Variants in KDM3B observed in about 807,000 individuals in gnomAD.
KDM3B encodes the protein lysine demethylase 3B.
A neutral mutation model predicts 170.0 loss-of-function variants in KDM3B; 10 were observed. The ratio of observed to expected loss-of-function variants is 0.06; its 90% CI spans 0.04 to 0.10. The LOEUF (loss-of-function observed/expected upper bound fraction) is 0.10, where lower values mean the gene tolerates loss of function less well. Ranked by LOEUF, KDM3B falls within the 10% of genes least tolerant of loss-of-function variation. The probability of loss-of-function intolerance (pLI) is 1.00; values close to 1 mark genes in which losing one functional copy is unlikely to be tolerated. For missense variants in KDM3B, 1,394 were observed against 2,195.2 expected (o/e 0.64, Z 7.29); for synonymous variants, 831 against 834.8 (o/e 1.00, Z 0.08).
At chr5:138,393,828 G>A (rs1213897773) in intron 9 of KDM3B, among the ~76,000 whole-genome samples, 1 of 152,050 alleles carries the variant, frequency 6.6e-6, no homozygotes, top group East Asian at 1.9e-4. Flanking sequence ...TGGGAATATC[G>A]TCTGCTTTTA....
In KDM3B at chr5:138,357,578, G is replaced by A. The variant is rs567858103; in HGVS notation, c.192+4591G>A. On this transcript the variant is annotated intron_variant, in intron 1 of 23. Transcript: ENST00000314358. ...AGGTTTTGCCATGTTGCCCAGGCAGGTCTTGAACTCCAGTCAAGCAATCTG... is the reference window on the plus strand; with the variant it reads ...AGGTTTTGCCATGTTGCCCAGGCAGATCTTGAACTCCAGTCAAGCAATCTG... 2.6e-4 allele frequency among the ~76,000 whole-genome samples: 39 copies of A among 152,118 alleles called. No homozygotes were observed. The South Asian group carries it at 7.7e-3, about 30-fold the overall frequency.
chr5:138,361,411 A>T (rs576369546), intron 1 of KDM3B, among the ~76,000 whole-genome samples: 1 of 150,924 alleles, frequency 6.6e-6, no homozygotes, highest in South Asian at 2.1e-4. Flanking sequence ...CTCTAACCAA[A>T]CTCTGGAGAC....
At chr5:138,353,160 C>G (rs1310575719) in intron 1 of KDM3B, among the ~76,000 whole-genome samples, 173 bp downstream of exon 1, 1 of 152,194 alleles carries the variant, frequency 6.6e-6, no homozygotes, top group Admixed American at 6.5e-5. Flanking sequence ...GCCGGCATGG[C>G]TTCCGCGTCG....
At chr5:138,425,346 G>T in intron 16 of KDM3B, 65 bp from the exon 17 acceptor site, 1 of 1,509,028 alleles carries the variant, frequency 6.6e-7, no homozygotes, top group Non-Finnish European at 9.0e-7. Flanking sequence ...CTCCTATTCT[G>T]TCTCAGCCCT....
chr5:138,418,567 GT>G (rs1401840927), intron 13 of KDM3B, among the ~76,000 whole-genome samples: 2 of 152,178 alleles, frequency 1.3e-5, no homozygotes, highest in Non-Finnish European at 2.9e-5. Flanking sequence ...AGAAAAATCA[GT>G]AAGAGTAATA....
rs117150481 is a variant in KDM3B, at chr5:138,368,535, C to T, written c.193-4139C>T. Among the ~76,000 whole-genome samples, 88 of 152,200 alleles carry T rather than the reference C, an allele frequency of 5.8e-4. No individual in the cohort carries two copies. In the East Asian group the frequency reaches 0.016, roughly 28 times the overall value. ...CTGGGATTACAGGTGTGGGCCACAG[C>T]GTCCCACTTGAAATGATTCTTTACT... is the stretch of plus-strand genomic sequence containing the variant. On this transcript the variant is annotated intron_variant, in intron 1 of 23. Transcript: ENST00000314358.
chr5:138,361,647 T>C (rs1372277927), intron 1 of KDM3B, among the ~76,000 whole-genome samples: 1 of 152,244 alleles, frequency 6.6e-6, no homozygotes, highest in Non-Finnish European at 1.5e-5. Context: ...ATTTTCTGGC[T>C]TCCGTTGCTT....
rs1315568369 is a variant in KDM3B, at chr5:138,368,982, ATTTTAG to A, written c.193-3690_193-3685del. The stretch of plus-strand genomic sequence containing the variant: ...CATTACAGCTTTAGCCCAGTGACTT[ATTTTAG>A]TGTTGTTCTTGTATTTGTGTGTTGC... On this transcript the variant is annotated intron_variant, in intron 1 of 23. Coordinates refer to ENST00000314358, the MANE Select transcript of KDM3B (RefSeq NM_016604.4). Among the ~76,000 whole-genome samples, 3 of 152,186 alleles carry A rather than the reference ATTTTAG, an allele frequency of 2.0e-5. No individual in the cohort carries two copies. The East Asian group carries it at 5.8e-4, about 29-fold the overall frequency.
intron 14 of KDM3B, among the ~76,000 whole-genome samples, chr5:138,419,519 G>A (rs1488149986): frequency 1.3e-5 from 2 of 151,304 alleles, no homozygotes; most frequent in African/African-American, 2.4e-5. Context: ...GCTGGGCGAG[G>A]TGGCGGGTGC....
intron 23 of KDM3B, among the ~76,000 whole-genome samples, chr5:138,433,035 C>T (rs917864365): frequency 1.3e-5 from 2 of 151,926 alleles, no homozygotes; most frequent in African/African-American, 4.8e-5. Flanking sequence ...TGAGCCACTG[C>T]GCCCAGCCTG....
chr5:138,353,872 GT>G (rs1490269859), intron 1 of KDM3B, among the ~76,000 whole-genome samples: 1 of 152,124 alleles, frequency 6.6e-6, no homozygotes, highest in East Asian at 1.9e-4. Flanking sequence ...AAAATATAGT[GT>G]TTGAGTTTTG....
intron 14 of KDM3B, 146 bp from the exon 15 acceptor site, chr5:138,420,560 G>A: frequency 2.4e-6 from 2 of 824,118 alleles, no homozygotes; most frequent in Non-Finnish European, 3.9e-6. Context: ...TGTAAGGCTT[G>A]ACCCAAACAA....
chr5:138,362,551 TACACAC>T (rs370412367), intron 1 of KDM3B, among the ~76,000 whole-genome samples: 4 of 124,682 alleles, frequency 3.2e-5, no homozygotes, highest in South Asian at 3.0e-4. Flanking sequence ...TATATGTGTA[TACACAC>T]ACACACACAC....
chr5:138,393,603 C>T (rs2126954010), intron 9 of KDM3B, among the ~76,000 whole-genome samples: 1 of 152,324 alleles, frequency 6.6e-6, no homozygotes, highest in African/African-American at 2.4e-5. Context: ...GTGTTAGCTG[C>T]AGCTCTGTGC....
In KDM3B at chr5:138,393,420, CA is replaced by C. The variant is rs769375432; in HGVS notation, c.2831+49del. 17 of 1,425,952 alleles carry C rather than the reference CA, an allele frequency of 1.2e-5. No homozygotes were observed. The South Asian group carries it at 1.4e-4, about 12-fold the overall frequency. 88.3% of individuals were successfully genotyped at this position (1,425,952 alleles called of 1,614,324 possible). ...CCTTTGCTAGTTTTCATTAGTGACA[CA>C]TAACTTCCACTCTTTCTCTGAGTCT... On this transcript the variant is annotated intron_variant, in intron 9 of 23. Coordinates refer to ENST00000314358, the MANE Select transcript of KDM3B (RefSeq NM_016604.4).
At position 138,370,568 on chromosome 5, in the gene KDM3B, A is replaced by C. The variant is rs541199475; in HGVS notation, c.193-2106A>C. Among the ~76,000 whole-genome samples the C allele has an allele frequency of 6.6e-5, 10 of 152,306 alleles. No homozygotes were observed. In the South Asian group the frequency reaches 2.1e-3, roughly 32 times the overall value. ...TTTCCACTGTGGTAAAATACACATA[A>C]AATTTTATTAAGTTTTTAATGGATT... is the stretch of plus-strand genomic sequence containing the variant. On this transcript the variant is annotated intron_variant, in intron 1 of 23. Transcript: ENST00000314358.
At chr5:138,388,037 T>C (rs1379375596) in intron 7 of KDM3B, among the ~76,000 whole-genome samples, 4 of 151,820 alleles carry the variant, frequency 2.6e-5, no homozygotes, top group South Asian at 2.1e-4. Flanking sequence ...GCCGAGATTG[T>C]GCCACTGCAC....
chr5:138,394,122 C>T (rs919589116), intron 9 of KDM3B, among the ~76,000 whole-genome samples: 1 of 152,160 alleles, frequency 6.6e-6, no homozygotes, highest in African/African-American at 2.4e-5. Context: ...AGCATGATTA[C>T]ATGCCTTTAA....
chr5:138,410,645 A>T (rs1039895850), intron 11 of KDM3B, among the ~76,000 whole-genome samples: 14 of 152,178 alleles, frequency 9.2e-5, no homozygotes, highest in Non-Finnish European at 1.5e-4. Flanking sequence ...ATGCACGGAG[A>T]CCAGTAGTGG....
Sources: allele counts gnomAD v4.1 joint callset (sites outside exome capture counted in the v4.1 genomes callset), GRCh38; gene constraint gnomAD v4.1.1; transcripts MANE v1.5; gene names NCBI Gene and HGNC (gene_info 2026-07-23, HGNC 2026-07-21).